The following JRK variants were observed in gnomAD, a reference collection of about 807,000 sequenced individuals.
The protein encoded by JRK is Jrk helix-turn-helix protein, also known as jerky protein homolog.
For missense variants in JRK, 720 were observed against 509.2 expected, an observed-to-expected ratio of 1.41 and a Z score of -3.98; for synonymous variants, 303 against 218.1, an observed-to-expected ratio of 1.39 and a Z score of -3.43.
At chr8:142,668,799 T>C (rs2129820263) in intron 1 of JRK, among the ~76,000 whole-genome samples, 1 of 150,938 alleles carries the variant, frequency 6.6e-6, no homozygotes, top group South Asian at 2.1e-4. Flanking sequence ...CCAGTTTGTG[T>C]CATCCTGCCA....
the JRK span, among the ~76,000 whole-genome samples, chr8:142,646,742 C>G: frequency 6.6e-6 from 1 of 152,116 alleles, no homozygotes; most frequent in East Asian, 1.9e-4. Flanking sequence ...GTATTTGATT[C>G]AAGTGCTTTT....
the JRK span, among the ~76,000 whole-genome samples, chr8:142,645,353 T>G: frequency 1.3e-5 from 2 of 152,148 alleles, no homozygotes; most frequent in African/African-American, 4.8e-5. Flanking sequence ...TGTAACAACT[T>G]GATTGCATAA....
Position 142,658,905 on chromosome 8 carries a change from C to T in JRK, c.*5447G>A. The stretch of plus-strand genomic sequence containing the variant: ...CAGCACTTAGGAATTGCCAACTCCT[C>T]TGGTGAGGTCACTACCACATCCTCA... On this transcript the variant is annotated 3_prime_UTR_variant, in exon 2 of 2. Coordinates refer to ENST00000612905, the MANE Select transcript of JRK (RefSeq NM_003724.4). The T allele has an allele frequency of 6.2e-7, 1 of 1,613,614 alleles. No homozygotes were observed.
rs966295693 is a variant in JRK, at chr8:142,665,342, G to A, written c.717C>T (p.Ser239=). ...GGATGCCTTTGAAAGCCCTGGGACC[G>A]CTGCACTTCCCGATGGCCAAGGGCT... ...RLKPLAIGKC[S]GPRAFKGIQH... Residue 239 remains serine (S), a synonymous_variant, in exon 2 of 2, where the codon AGC becomes AGT. Transcript: ENST00000612905. 68 of 717,534 alleles carry A rather than the reference G, an allele frequency of 9.5e-5. No homozygotes were observed. The Admixed American group carries it at 9.8e-4, about 10-fold the overall frequency. 44.4% of individuals were successfully genotyped at this position (717,534 alleles called of 1,614,324 possible).
chr8:142,650,678 C>T, the JRK span, among the ~76,000 whole-genome samples: 5 of 152,166 alleles, frequency 3.3e-5, no homozygotes, highest in African/African-American at 7.2e-5. Flanking sequence ...GGCTCCCCAG[C>T]GATGCCAAAC....
At chr8:142,669,189 TGTGTGTGTGTGC>T (rs782320685) in intron 1 of JRK, among the ~76,000 whole-genome samples, 22,519 of 106,058 alleles carry the variant, frequency 0.21, 1,728 homozygotes, top group Middle Eastern at 0.3. Flanking sequence ...TGTGTGTGTG[TGTGTGTGTGTGC>T]GTGTGTGTGT....
At position 142,664,393 on chromosome 8, in the gene JRK, G is replaced by A; in HGVS notation, c.1666C>T (p.Gln556Ter). ...GTGGATGAGCAGGGCAAGGGAGACT[G>A]AGCTGTGGCCCCACAGCCACCAGGG... Reference protein sequence around the residue: ...EGPGGCGATAQSPLPCSSTAG... With the variant: ...EGPGGCGATA The change falls in exon 2 of 2, where the codon CAG (glutamine) becomes TAG (stop). Residue 556 changes from glutamine to a stop codon, truncating the protein, a stop_gained. Coordinates refer to ENST00000612905, the MANE Select transcript of JRK (RefSeq NM_003724.4). LOFTEE classifies it high-confidence loss of function. 6 of 1,593,126 alleles carry A rather than the reference G, an allele frequency of 3.8e-6. No individual in the cohort carries two copies. Among genetic ancestry groups the A allele is most frequent in the Admixed American group, 1.7e-5 (1 of 59,098 alleles).
chr8:142,657,308 TGGAGGCAGACACAGTGGTGG>T (rs1205567615), downstream of JRK, among the ~76,000 whole-genome samples: 9 of 152,130 alleles, frequency 5.9e-5, no homozygotes, highest in East Asian at 1.9e-4. Context: ...GTGTGCTTTC[TGGAGGCAGACACAGTGGTGG>T]GGAGGCAGAC....
In JRK at chr8:142,663,628, C is replaced by A. The variant is rs1846987140; in HGVS notation, c.*724G>T. ...GATGAGCAGGGCCTGGTCAGCCACT[C>A]CTACTTTCTTCCCAGAAAGGAACTC... On this transcript the variant is annotated 3_prime_UTR_variant, in exon 2 of 2. Transcript: ENST00000612905. 2.0e-6 allele frequency: 2 copies of A among 985,476 alleles called. No homozygotes were observed. The highest frequency in any genetic ancestry group is 2.4e-6 in the Non-Finnish European group (2 of 829,934). The allele number at this position is 985,476 out of a possible 1,614,324, so 61.0% of individuals were successfully genotyped here.
Position 142,664,730 on chromosome 8 carries a change from C to T in JRK, c.1329G>A (p.Ala443=), listed in dbSNP as rs376782719. Residue 443 remains alanine (A), a synonymous_variant, in exon 2 of 2, where the codon GCG becomes GCA. Coordinates refer to ENST00000612905, the MANE Select transcript of JRK (RefSeq NM_003724.4). ...RQRQAASWGV[A]GREAEGGRPP... is the part of the protein sequence containing the mutation. ...GCCGTCCCCCTTCTGCCTCCCTTCC[C>T]GCTACCCCCCAGCTGGCGGCCTGGC... 22 of 1,601,226 alleles carry T rather than the reference C, an allele frequency of 1.4e-5. No individual in the cohort carries two copies. The highest frequency in any genetic ancestry group is 2.3e-5 in the East Asian group (1 of 44,348).
the JRK span, among the ~76,000 whole-genome samples, chr8:142,652,426 G>C: frequency 6.6e-6 from 1 of 152,212 alleles, no homozygotes; most frequent in African/African-American, 2.4e-5. Flanking sequence ...GCTCAGTCTG[G>C]AAAGGCGGGA....
Position 142,663,952 on chromosome 8 carries a change from G to T in JRK, c.*400C>A, listed in dbSNP as rs1846998837. ...GGGCGGTGGGCATGGCCTCCTGTCG[G>T]CCTGGAGGGCAACTTCTCTCCACGT... On this transcript the variant is annotated 3_prime_UTR_variant, in exon 2 of 2. Transcript: ENST00000612905. The T allele has an allele frequency of 9.9e-7, 1 of 1,008,846 alleles. No homozygotes were observed. The highest frequency in any genetic ancestry group is 1.2e-6 in the Non-Finnish European group (1 of 846,022). 62.5% of individuals were successfully genotyped at this position (1,008,846 alleles called of 1,614,324 possible).
chr8:142,665,144 C>G lies in JRK; in HGVS notation c.915G>C (p.Pro305=). The change falls in exon 2 of 2, where the codon CCG becomes CCC. Residue 305 remains proline, a synonymous_variant. Transcript: ENST00000612905. ...TACTGGACACCAGCTCGGCCTCCTG[C>G]GGGTGAGCCCGGGAGCTGTCCAGCA... ...VLLLDSSRAH[P]QEAELVSSNV... is the part of the protein sequence containing the mutation. 1 of 717,820 alleles carries G rather than the reference C, an allele frequency of 1.4e-6. No homozygotes were observed. The highest frequency in any genetic ancestry group is 1.5e-5 in the South Asian group (1 of 67,604). The allele number at this position is 717,820 out of a possible 1,614,324, so 44.5% of individuals were successfully genotyped here. A position where few individuals can be genotyped will look rare whatever the true frequency, so the allele number is the denominator to read the frequency against.
Position 142,663,804 on chromosome 8 carries a change from G to A in JRK, c.*548C>T. ...TGTGCGGCCTGTTCAGCCGCTAGCA[G>A]GCCAAGAACTGAGTCCCAGCTCTCG... On this transcript the variant is annotated 3_prime_UTR_variant, in exon 2 of 2. Coordinates refer to ENST00000612905, the MANE Select transcript of JRK (RefSeq NM_003724.4). 1.0e-6 allele frequency: 1 copy of A among 986,344 alleles called. No individual in the cohort carries two copies. Among genetic ancestry groups the A allele is most frequent in the South Asian group, 4.7e-5 (1 of 21,304 alleles). The allele number at this position is 986,344 out of a possible 1,614,324, so 61.1% of individuals were successfully genotyped here. A position where few individuals can be genotyped will look rare whatever the true frequency, so the allele number is the denominator to read the frequency against.
At chr8:142,655,952 T>C (rs1213128038), downstream of JRK, among the ~76,000 whole-genome samples, 6 of 152,232 alleles carry the variant, frequency 3.9e-5, no homozygotes, top group Admixed American at 3.9e-4. Flanking sequence ...TTAATCTCCA[T>C]TTGAGGCAAT....
chr8:142,664,465 G>A lies in JRK; in HGVS notation c.1594C>T (p.Arg532Cys), dbSNP rs375362605. 2.3e-5 allele frequency: 37 copies of A among 1,611,240 alleles called. No homozygotes were observed. Among genetic ancestry groups the A allele is most frequent in the African/African-American group, 1.2e-4 (9 of 74,894 alleles). Reference sequence around the variant, plus strand: ...TTGACCACAGCCCCGAGGGCACCACGCCGCCTCCTCACCTGCTGCTGGCTC... The same window carrying A: ...TTGACCACAGCCCCGAGGGCACCACACCGCCTCCTCACCTGCTGCTGGCTC... ...FRSQQQVRRR[R>C]GALGAVVKVE... The change falls in exon 2 of 2, where the codon CGT becomes TGT. Residue 532 changes from arginine to cysteine, a missense_variant. By Grantham distance (180) the Arg-to-Cys change is radical. Coordinates refer to ENST00000612905, the MANE Select transcript of JRK (RefSeq NM_003724.4).
chr8:142,656,791 G>C (rs1419913873), downstream of JRK, among the ~76,000 whole-genome samples: 1 of 152,194 alleles, frequency 6.6e-6, no homozygotes, highest in Non-Finnish European at 1.5e-5. Flanking sequence ...CCAACTTTGG[G>C]AGCTGAGCGT....
chr8:142,647,586 C>T, the JRK span, among the ~76,000 whole-genome samples: 1 of 152,326 alleles, frequency 6.6e-6, no homozygotes, highest in Non-Finnish European at 1.5e-5. Flanking sequence ...CCATGTCACA[C>T]ATGACTTGCT....
chr8:142,666,166 T>C lies in JRK; in HGVS notation c.-108A>G, dbSNP rs1434027765. 4 of 1,541,248 alleles carry C rather than the reference T, an allele frequency of 2.6e-6. No homozygotes were observed. Among genetic ancestry groups the C allele is most frequent in the Non-Finnish European group, 3.5e-6 (4 of 1,141,414 alleles). On this transcript the variant is annotated 5_prime_UTR_variant, in exon 2 of 2. Coordinates refer to ENST00000612905, the MANE Select transcript of JRK (RefSeq NM_003724.4). ...CCTTCTGGGGCTCCGTCTCTCCCTCTCCACTCTGCCTGCCTGCTCTGCTGA... is the reference window on the plus strand; with the variant it reads ...CCTTCTGGGGCTCCGTCTCTCCCTCCCCACTCTGCCTGCCTGCTCTGCTGA...
Sources: allele counts gnomAD v4.1 joint callset (sites outside exome capture counted in the v4.1 genomes callset), GRCh38; gene constraint gnomAD v4.1.1; transcripts MANE v1.5; gene names NCBI Gene and HGNC (gene_info 2026-07-23, HGNC 2026-07-21).